SLC22A15: variants seen among roughly 807,000 people sequenced by gnomAD.
The protein encoded by SLC22A15 is flipt 1.
SLC22A15 carries 45 observed loss-of-function variants against 62.7 expected under a neutral mutation model. The ratio of observed to expected loss-of-function variants is 0.72; its 90% CI spans 0.56 to 0.92. The LOEUF is 0.92. Ranked by LOEUF, SLC22A15 falls within the 40% of genes least tolerant of loss-of-function variation. The pLI is 0.00. For synonymous variants in SLC22A15, 264 were observed against 267.0 expected (o/e 0.99, Z 0.11); for missense variants, 622 against 665.6 (o/e 0.93, Z 0.72).
chr1:116,035,566 C>A (rs1010696311), intron 7 of SLC22A15, among the ~76,000 whole-genome samples: 1 of 152,010 alleles, frequency 6.6e-6, no homozygotes, highest in Non-Finnish European at 1.5e-5. Flanking sequence ...TATTGAATAT[C>A]GAAATCCAAG....
chr1:116,058,252 A>G (rs1432121721), intron 8 of SLC22A15, among the ~76,000 whole-genome samples: 2 of 152,178 alleles, frequency 1.3e-5, no homozygotes, highest in Non-Finnish European at 2.9e-5. Context: ...ATCTACAACA[A>G]ACTCAAACAA....
chr1:116,032,714 A>C (rs1212378870), intron 6 of SLC22A15: 5 of 912,356 alleles, frequency 5.5e-6, no homozygotes, highest in Non-Finnish European at 6.6e-6. Context: ...ATGGAGATTA[A>C]GAAAACCGTT....
At chr1:115,976,968 G>A (rs1654333577) in intron 1 of SLC22A15, among the ~76,000 whole-genome samples, 1 of 152,258 alleles carries the variant, frequency 6.6e-6, no homozygotes, top group Non-Finnish European at 1.5e-5. Context: ...CACCTTGAGT[G>A]GTGGAAGGAG....
chr1:116,045,128 C>T (rs1657895955), intron 8 of SLC22A15, among the ~76,000 whole-genome samples: 1 of 152,104 alleles, frequency 6.6e-6, no homozygotes, highest in Non-Finnish European at 1.5e-5. Flanking sequence ...ACTGCAACCT[C>T]TGCCTCCAGG....
At chr1:116,062,102 G>A (rs573553265) in intron 8 of SLC22A15, among the ~76,000 whole-genome samples, 8 of 152,076 alleles carry the variant, frequency 5.3e-5, no homozygotes, top group Non-Finnish European at 7.4e-5. Flanking sequence ...CCAGCTACTC[G>A]GGAGACTGAG....
chr1:116,063,069 T>C (rs1186223756), intron 9 of SLC22A15, among the ~76,000 whole-genome samples, 187 bp downstream of exon 9: 1 of 152,214 alleles, frequency 6.6e-6, no homozygotes, highest in South Asian at 2.1e-4. Context: ...GCTAGGAAAA[T>C]GTCACTTTAT....
At chr1:116,066,968 C>T in intron 11 of SLC22A15, 51 bp from the exon 12 acceptor site, 1 of 1,431,550 alleles carries the variant, frequency 7.0e-7, no homozygotes, top group East Asian at 2.3e-5. Flanking sequence ...GTTTCCATTT[C>T]AGAAATGTCA....
chr1:116,005,823 C>G (rs1655950709), intron 2 of SLC22A15, among the ~76,000 whole-genome samples: 1 of 152,104 alleles, frequency 6.6e-6, no homozygotes, highest in African/African-American at 2.4e-5. Flanking sequence ...TCACAAATTC[C>G]TGCAAGGGTG....
At chr1:116,058,091 C>T (rs186068275) in intron 8 of SLC22A15, among the ~76,000 whole-genome samples, 2 of 149,270 alleles carry the variant, frequency 1.3e-5, no homozygotes, top group African/African-American at 4.9e-5. Flanking sequence ...AAAAAGAAAA[C>T]AGACTAATAC....
chr1:115,994,510 G>A (rs1655322005), intron 2 of SLC22A15, among the ~76,000 whole-genome samples: 1 of 151,938 alleles, frequency 6.6e-6, no homozygotes, highest in Non-Finnish European at 1.5e-5. Flanking sequence ...GGTTCTTTTT[G>A]GTGAGTAATT....
At chr1:116,009,883 A>G (rs1235038270) in intron 2 of SLC22A15, among the ~76,000 whole-genome samples, 1 of 152,242 alleles carries the variant, frequency 6.6e-6, no homozygotes, top group African/African-American at 2.4e-5. Flanking sequence ...TGGAAGATAA[A>G]TATTAAGAGA....
intron 2 of SLC22A15, among the ~76,000 whole-genome samples, chr1:115,997,508 A>G (rs1655488805): frequency 6.6e-6 from 1 of 151,714 alleles, no homozygotes; most frequent in African/African-American, 2.4e-5. Context: ...CACTTTGGAG[A>G]TCTTTCACTT....
chr1:116,034,761 T>A (rs1657570827), intron 6 of SLC22A15, among the ~76,000 whole-genome samples: 1 of 152,206 alleles, frequency 6.6e-6, no homozygotes, highest in South Asian at 2.1e-4. Context: ...CCATCTTCTG[T>A]TGGCTTTCTC....
At chr1:115,977,764 A>G (rs1262407504) in intron 1 of SLC22A15, among the ~76,000 whole-genome samples, 1 of 152,240 alleles carries the variant, frequency 6.6e-6, no homozygotes, top group African/African-American at 2.4e-5. Flanking sequence ...CAGGAAGTAC[A>G]GAGTGGTCAT....
chr1:116,043,661 A>T (rs969366961), intron 8 of SLC22A15, among the ~76,000 whole-genome samples: 1 of 152,174 alleles, frequency 6.6e-6, no homozygotes, highest in Non-Finnish European at 1.5e-5. Context: ...CAATGGAATG[A>T]AAACAAACAA....
chr1:116,060,708 CATT>C (rs1400896949), intron 8 of SLC22A15, among the ~76,000 whole-genome samples: 4 of 152,154 alleles, frequency 2.6e-5, no homozygotes, highest in Admixed American at 6.5e-5. Context: ...AATTTGCCCT[CATT>C]ATTGGTTTAA....
In SLC22A15 at chr1:115,976,695, T is replaced by C; in HGVS notation, c.68T>C (p.Leu23Pro). 6 of 1,584,286 alleles carry C rather than the reference T, an allele frequency of 3.8e-6. No homozygotes were observed. Among genetic ancestry groups the C allele is most frequent in the Non-Finnish European group, 5.1e-6 (6 of 1,166,964 alleles). The change falls in exon 1 of 12, where the codon CTG becomes CCG. Residue 23 changes from leucine to proline, a missense_variant. Coordinates refer to ENST00000369503, the MANE Select transcript of SLC22A15 (RefSeq NM_018420.3). ...ATCTACCAGATGTACTTGTGCTTCC[T>C]GCTGGCCGTGCTGCTGCAGGTAAGT... ...MGIYQMYLCF[L>P]LAVLLQLYVA...
rs41275548 is a variant in SLC22A15, at chr1:116,035,298, T to A, written c.1056T>A (p.Pro352=). 0.031 allele frequency: 50,735 copies of A among 1,612,702 alleles called. 911 individuals are homozygous for A. The highest frequency in any genetic ancestry group is 0.046 in the Middle Eastern group (280 of 6,052). The change falls in exon 7 of 12, where the codon CCT becomes CCA. Residue 352 remains proline (P), a synonymous_variant. Coordinates refer to ENST00000369503, the MANE Select transcript of SLC22A15 (RefSeq NM_018420.3). The part of the protein sequence containing the change: ...LSGLIEIPSY[P]LCIYLINQKW... ...GCCTCATAGAGATTCCATCTTACCC[T>A]CTCTGTATCTACTTGATTAACCAAA...
At chr1:115,996,175 T>A (rs995664461) in intron 2 of SLC22A15, among the ~76,000 whole-genome samples, 2 of 152,256 alleles carry the variant, frequency 1.3e-5, no homozygotes, top group African/African-American at 2.4e-5. Context: ...TGGCTTTTTT[T>A]ATTCAGCATA....
Sources: allele counts gnomAD v4.1 joint callset (sites outside exome capture counted in the v4.1 genomes callset), GRCh38; gene constraint gnomAD v4.1.1; transcripts MANE v1.5; gene names NCBI Gene and HGNC (gene_info 2026-07-23, HGNC 2026-07-21).